SYNPR: variants seen among roughly 807,000 people sequenced by gnomAD.
The protein encoded by SYNPR is synaptoporin.
A neutral mutation model predicts 32.9 loss-of-function variants in SYNPR; 23 were observed. That is an observed-to-expected ratio of 0.70 (90% confidence interval 0.50 to 0.99). The LOEUF (loss-of-function observed/expected upper bound fraction) is 0.99. Ranked by LOEUF, SYNPR falls within the 50% of genes least tolerant of loss-of-function variation. The pLI is 0.00. For missense variants in SYNPR, 318 were observed against 349.3 expected (o/e 0.91, Z 0.71); for synonymous variants, 146 against 135.9 (o/e 1.07, Z -0.52).
chr3:63,450,683 C>A (rs1291527047), intron 2 of SYNPR, among the ~76,000 whole-genome samples: 1 of 152,110 alleles, frequency 6.6e-6, no homozygotes, highest in Non-Finnish European at 1.5e-5. Context: ...AGCATGTACT[C>A]CTAGGTGGCT....
chr3:63,408,376 GAA>G (rs2088416946), intron 2 of SYNPR, among the ~76,000 whole-genome samples: 1 of 149,256 alleles, frequency 6.7e-6, no homozygotes, highest in East Asian at 2.0e-4. Flanking sequence ...AAGAAAGAAA[GAA>G]AGAAAAGGAA....
chr3:63,578,476 A>C (rs1386625898), intron 4 of SYNPR, among the ~76,000 whole-genome samples: 1 of 152,126 alleles, frequency 6.6e-6, no homozygotes, highest in Non-Finnish European at 1.5e-5. Context: ...TGAGGGGTGG[A>C]TCTGAAATTC....
rs1280121001 is a variant in SYNPR, at chr3:63,244,601, G to A, written n.67-7898G>A. Among the ~76,000 whole-genome samples the A allele has an allele frequency of 2.6e-5, 4 of 151,996 alleles. No homozygotes were observed. In the South Asian group the frequency reaches 8.3e-4, roughly 31 times the overall value. ...TAGTCAGTGTTGGCTTGAAAATGGC[G>A]CATGCATTTTGTGTGTGAATGACTA... On this transcript the variant is annotated intron_variant and non_coding_transcript_variant, in intron 1 of 4. Transcript: ENST00000478456.
intron 2 of SYNPR, among the ~76,000 whole-genome samples, chr3:63,452,841 G>A (rs1700404242): frequency 6.6e-6 from 1 of 152,070 alleles, no homozygotes; most frequent in Non-Finnish European, 1.5e-5. Flanking sequence ...TACAGTTTAT[G>A]TCCTGGTAAA....
At chr3:63,432,879 C>T (rs1193753401) in intron 2 of SYNPR, among the ~76,000 whole-genome samples, 1 of 152,176 alleles carries the variant, frequency 6.6e-6, no homozygotes, top group African/African-American at 2.4e-5. Flanking sequence ...TACAAAGATT[C>T]CCTGTCAAGT....
intron 2 of SYNPR, among the ~76,000 whole-genome samples, chr3:63,305,299 A>C (rs1165508444): frequency 6.6e-6 from 1 of 152,064 alleles, no homozygotes; most frequent in Non-Finnish European, 1.5e-5. Context: ...CTGAGCTAGA[A>C]CCATCCAGCT....
intron 2 of SYNPR, among the ~76,000 whole-genome samples, chr3:63,315,928 G>A (rs1388270412): frequency 6.6e-6 from 1 of 151,788 alleles, no homozygotes; most frequent in Non-Finnish European, 1.5e-5. Flanking sequence ...TGCCAATTTT[G>A]CTAAGAGTTT....
intron 2 of SYNPR, among the ~76,000 whole-genome samples, chr3:63,458,702 A>T (rs1445404852): frequency 3.3e-5 from 5 of 152,060 alleles, no homozygotes; most frequent in African/African-American, 1.2e-4. Context: ...AAGTATTACA[A>T]TTATTTTTAC....
intron 2 of SYNPR, among the ~76,000 whole-genome samples, chr3:63,444,927 A>G (rs924181957): frequency 6.6e-6 from 1 of 151,346 alleles, no homozygotes; most frequent in Non-Finnish European, 1.5e-5. Flanking sequence ...GCTGGAGCCA[A>G]GTGTATCTTA....
At chr3:63,264,930 G>GGC (rs971901851) in intron 2 of SYNPR, among the ~76,000 whole-genome samples, 1 of 151,104 alleles carries the variant, frequency 6.6e-6, no homozygotes, top group African/African-American at 2.4e-5. Context: ...GAATCATGGG[G>GGC]GAGCCATGAT....
At chr3:63,349,452 G>A (rs2087477894) in intron 2 of SYNPR, among the ~76,000 whole-genome samples, 1 of 152,142 alleles carries the variant, frequency 6.6e-6, no homozygotes, top group Non-Finnish European at 1.5e-5. Flanking sequence ...CCATTTGTTT[G>A]TGACATCTAC....
intron 2 of SYNPR, among the ~76,000 whole-genome samples, chr3:63,312,402 G>C (rs576229973): frequency 6.6e-6 from 1 of 151,950 alleles, no homozygotes; most frequent in African/African-American, 2.4e-5. Flanking sequence ...TATTTCCTTA[G>C]TCAGCTCTCT....
intron 2 of SYNPR, among the ~76,000 whole-genome samples, chr3:63,318,572 A>T (rs189854145): frequency 6.6e-6 from 1 of 151,830 alleles, no homozygotes; most frequent in Non-Finnish European, 1.5e-5. Context: ...AGCATTTTAT[A>T]TTTCTAAAAG....
intron 2 of SYNPR, among the ~76,000 whole-genome samples, chr3:63,410,362 A>G (rs1393367371): frequency 2.0e-5 from 3 of 152,198 alleles, no homozygotes; most frequent in East Asian, 1.9e-4. Context: ...TGTCATCTCA[A>G]ATAGAAATTT....
intron 3 of SYNPR, among the ~76,000 whole-genome samples, chr3:63,508,110 T>C (rs367869453): frequency 4.6e-5 from 7 of 152,186 alleles, no homozygotes; most frequent in East Asian, 1.9e-4. Context: ...AAATTCTCAA[T>C]AGCCACATGT....
chr3:63,259,428 T>C (rs192813634), intron 2 of SYNPR, among the ~76,000 whole-genome samples: 31 of 152,190 alleles, frequency 2.0e-4, no homozygotes, highest in African/African-American at 7.0e-4. Context: ...CATACACGAA[T>C]CAATAACAGT....
chr3:63,335,229 T>C (rs902116280), intron 2 of SYNPR, among the ~76,000 whole-genome samples: 1 of 151,692 alleles, frequency 6.6e-6, no homozygotes, highest in African/African-American at 2.4e-5. Context: ...GGCGGGTGCC[T>C]GTAGTCCCAG....
In SYNPR at chr3:63,263,380, T is replaced by A. The variant is rs930792969; in HGVS notation, n.155-3937T>A. Among the ~76,000 whole-genome samples the A allele has an allele frequency of 2.6e-5, 4 of 152,340 alleles. No individual in the cohort carries two copies. In the South Asian group the frequency reaches 6.2e-4, roughly 24 times the overall value. ...TTTTCCCTGCCAGATGATACTTTTT[T>A]AAGTGCTTACTGTGTACTGGAATTG... On this transcript the variant is annotated intron_variant and non_coding_transcript_variant, in intron 2 of 4. Transcript: ENST00000478456.
At chr3:63,269,251 G>A (rs2086514453) in intron 3 of SYNPR, among the ~76,000 whole-genome samples, 1 of 152,192 alleles carries the variant, frequency 6.6e-6, no homozygotes, top group Admixed American at 6.5e-5. Context: ...CACTTTGGGA[G>A]GCCAAGGTGG....
Sources: gnomAD v4.1 joint callset for allele counts (sites outside exome capture counted in the v4.1 genomes callset) on GRCh38, gnomAD v4.1.1 for gene constraint, MANE v1.5 for transcripts, NCBI Gene and HGNC (gene_info 2026-07-23, HGNC 2026-07-21) for gene names.